MACROD2: variants seen among roughly 807,000 people sequenced by gnomAD.
MACROD2 encodes mono-ADP ribosylhydrolase 2.
Under a neutral mutation model 70.4 loss-of-function variants are expected in MACROD2, and 36 were observed. The ratio of observed to expected loss-of-function variants is 0.51; its 90% CI spans 0.39 to 0.68. MACROD2 has a LOEUF of 0.68. MACROD2 is among the 30% of genes least tolerant of loss of function. The pLI is 0.00. For missense variants in MACROD2, 496 were observed against 538.4 expected (o/e 0.92, Z 0.78); for synonymous variants, 172 against 178.8 (o/e 0.96, Z 0.30).
intron 2 of MACROD2, among the ~76,000 whole-genome samples, chr20:14,047,344 A>G (rs958987144): frequency 6.6e-6 from 1 of 150,420 alleles, no homozygotes; most frequent in African/African-American, 2.4e-5. Context: ...AATCCTAGCT[A>G]TTTGGGAGGC....
intron 3 of MACROD2, among the ~76,000 whole-genome samples, chr20:14,333,661 T>A (rs1269475849): frequency 6.6e-6 from 1 of 152,214 alleles, no homozygotes; most frequent in Non-Finnish European, 1.5e-5. Context: ...GTTGATGTGC[T>A]TTAAATTTCT....
At chr20:15,434,555 A>G (rs1317264465) in intron 7 of MACROD2, among the ~76,000 whole-genome samples, 1 of 152,106 alleles carries the variant, frequency 6.6e-6, no homozygotes, top group East Asian at 1.9e-4. Context: ...AAGGGAACAC[A>G]TTTACACTGC....
rs138370808 is a variant in MACROD2 at position 15,696,406 on chromosome 20, G to A, written c.646-166339G>A. Reference sequence around the variant, plus strand: ...CCTGGTATGAAACCCATTTGATCAAGGTGGATTATCCCTTTCAGATGCTGT... The same window carrying A: ...CCTGGTATGAAACCCATTTGATCAAAGTGGATTATCCCTTTCAGATGCTGT... On this transcript the variant is annotated intron_variant, in intron 8 of 17. Coordinates refer to ENST00000684519, the MANE Select transcript of MACROD2 (RefSeq NM_001351661.2). Among the ~76,000 whole-genome samples the A allele has an allele frequency of 6.7e-3, 1,018 of 152,264 alleles. 7 individuals are homozygous for A. The highest frequency in any genetic ancestry group is 8.8e-3 in the Non-Finnish European group (599 of 68,016).
At chr20:15,911,993 C>A (rs1346012726) in intron 10 of MACROD2, among the ~76,000 whole-genome samples, 1 of 152,158 alleles carries the variant, frequency 6.6e-6, no homozygotes, top group Non-Finnish European at 1.5e-5. Context: ...GCAACAAGAA[C>A]AAAACTCCGA....
At chr20:15,133,843 CTG>C (rs1458563452) in intron 5 of MACROD2, among the ~76,000 whole-genome samples, 2 of 150,754 alleles carry the variant, frequency 1.3e-5, no homozygotes, top group African/African-American at 2.4e-5. Flanking sequence ...TTAAAATTAA[CTG>C]TTTTTACTGA....
chr20:14,191,337 C>T (rs1191380444), intron 3 of MACROD2, among the ~76,000 whole-genome samples: 1 of 152,154 alleles, frequency 6.6e-6, no homozygotes, highest in African/African-American at 2.4e-5. Flanking sequence ...AATTCACTAG[C>T]TCTCTGATCC....
At chr20:15,705,400 T>C (rs945518190) in intron 8 of MACROD2, among the ~76,000 whole-genome samples, 3 of 152,118 alleles carry the variant, frequency 2.0e-5, no homozygotes, top group Non-Finnish European at 2.9e-5. Context: ...AGAATAATTA[T>C]ACTTTATTTT....
At chr20:15,601,444 A>T (rs2146688842) in intron 8 of MACROD2, among the ~76,000 whole-genome samples, 1 of 152,106 alleles carries the variant, frequency 6.6e-6, no homozygotes, top group Non-Finnish European at 1.5e-5. Context: ...AAGAAAATTT[A>T]AGTTCACACC....
intron 17 of MACROD2, among the ~76,000 whole-genome samples, chr20:16,049,439 G>T (rs1045475068): frequency 1.3e-5 from 2 of 152,066 alleles, no homozygotes; most frequent in Non-Finnish European, 2.9e-5. Context: ...AATGACTTTT[G>T]CAAAGCAGCA....
chr20:15,782,238 C>T (rs1296746088), intron 8 of MACROD2, among the ~76,000 whole-genome samples: 1 of 152,056 alleles, frequency 6.6e-6, no homozygotes, highest in Non-Finnish European at 1.5e-5. Flanking sequence ...CATAGATTAC[C>T]TACATAAGAA....
At chr20:14,243,928 G>C (rs2081948840) in intron 3 of MACROD2, among the ~76,000 whole-genome samples, 1 of 152,106 alleles carries the variant, frequency 6.6e-6, no homozygotes, top group East Asian at 1.9e-4. Context: ...GCTAGACAGG[G>C]CCAGGGCAAA....
At chr20:15,197,960 C>CTTTTTTTTT (rs56284199) in intron 5 of MACROD2, among the ~76,000 whole-genome samples, 2 of 118,714 alleles carry the variant, frequency 1.7e-5, no homozygotes, top group African/African-American at 3.2e-5. Flanking sequence ...GCCTGGCCTC[C>CTTTTTTTTT]TTTTTTTTTT....
At chr20:15,608,599 T>C (rs2048925468) in intron 8 of MACROD2, among the ~76,000 whole-genome samples, 1 of 152,194 alleles carries the variant, frequency 6.6e-6, no homozygotes, top group East Asian at 1.9e-4. Context: ...TACATTTAAG[T>C]CATTGACTTT....
chr20:15,980,779 A>G (rs1428094297), intron 13 of MACROD2, among the ~76,000 whole-genome samples: 2 of 152,222 alleles, frequency 1.3e-5, no homozygotes, highest in Non-Finnish European at 2.9e-5. Flanking sequence ...GCTGCTAGCA[A>G]GTACTTGAGA....
chr20:15,692,832 C>T (rs1359556235), intron 8 of MACROD2, among the ~76,000 whole-genome samples: 1 of 152,142 alleles, frequency 6.6e-6, no homozygotes, highest in Non-Finnish European at 1.5e-5. Flanking sequence ...TTTGTGTCTC[C>T]ACTCAAATCT....
At chr20:14,709,741 G>A (rs1447991390) in intron 5 of MACROD2, among the ~76,000 whole-genome samples, 2 of 152,108 alleles carry the variant, frequency 1.3e-5, no homozygotes, top group Non-Finnish European at 2.9e-5. Context: ...CATTCTGATT[G>A]TTTAAACAGA....
chr20:14,475,374 A>C (rs2084580805), intron 3 of MACROD2, among the ~76,000 whole-genome samples: 1 of 152,140 alleles, frequency 6.6e-6, no homozygotes, highest in Non-Finnish European at 1.5e-5. Flanking sequence ...CTTCATATTA[A>C]AGATACAAGT....
chr20:15,911,464 C>G (rs1185669410), intron 10 of MACROD2, among the ~76,000 whole-genome samples: 1 of 152,164 alleles, frequency 6.6e-6, no homozygotes, highest in Admixed American at 6.5e-5. Flanking sequence ...TCCACTCTCA[C>G]TTTATTATAA....
chr20:14,587,642 T>G (rs1981473222), intron 4 of MACROD2, among the ~76,000 whole-genome samples: 1 of 151,904 alleles, frequency 6.6e-6, no homozygotes, highest in African/African-American at 2.4e-5. Context: ...ATTAATACAT[T>G]TATATAACAC....
Sources: allele counts gnomAD v4.1 joint callset (sites outside exome capture counted in the v4.1 genomes callset), GRCh38; gene constraint gnomAD v4.1.1; transcripts MANE v1.5; gene names NCBI Gene and HGNC (gene_info 2026-07-23, HGNC 2026-07-21).